MRTFB: variants seen among roughly 807,000 people sequenced by gnomAD.
MRTFB encodes the protein myocardin-related transcription factor B.
A neutral mutation model predicts 104.2 loss-of-function variants in MRTFB; 29 were observed. That is an observed-to-expected ratio of 0.28 (90% confidence interval 0.21 to 0.38). MRTFB has a LOEUF of 0.38. Ranked by LOEUF, MRTFB falls within the 10% of genes least tolerant of loss-of-function variation. The probability of loss-of-function intolerance (pLI) is 1.00; values close to 1 mark genes in which losing one functional copy is unlikely to be tolerated. For synonymous variants in MRTFB, 535 were observed against 519.5 expected, an observed-to-expected ratio of 1.03 and a Z score of -0.41; for missense variants, 1,270 against 1,341.6, an observed-to-expected ratio of 0.95 and a Z score of 0.83.
intron 11 of MRTFB, among the ~76,000 whole-genome samples, 180 bp downstream of exon 11, chr16:14,245,840 C>A (rs549557476): frequency 2.0e-5 from 3 of 152,276 alleles, no homozygotes; most frequent in Non-Finnish European, 2.9e-5. Context: ...GTAAAACAAC[C>A]AATAACTGTC....
At chr16:14,004,157 C>T in the MRTFB span, among the ~76,000 whole-genome samples, 6 of 152,146 alleles carry the variant, frequency 3.9e-5, no homozygotes, top group Admixed American at 3.9e-4. Context: ...GTGGCAGCCC[C>T]GGACCTTGAT....
the MRTFB span, among the ~76,000 whole-genome samples, chr16:14,014,253 A>G: frequency 6.6e-6 from 1 of 152,208 alleles, no homozygotes; most frequent in African/African-American, 2.4e-5. Context: ...TGATAATATC[A>G]AGAGTCTCAG....
intron 2 of MRTFB, among the ~76,000 whole-genome samples, chr16:14,134,619 C>T (rs1441569660): frequency 6.6e-6 from 1 of 152,258 alleles, no homozygotes; most frequent in South Asian, 2.1e-4. Context: ...GTGCCCAGCA[C>T]AATGCCTAAT....
intron 3 of MRTFB, among the ~76,000 whole-genome samples, chr16:14,208,034 G>A (rs1479754519): frequency 6.6e-6 from 1 of 152,190 alleles, no homozygotes; most frequent in East Asian, 1.9e-4. Context: ...TGGAGAATTG[G>A]TTGGTATGAG....
At chr16:14,136,752 GT>G (rs1011676750) in intron 2 of MRTFB, among the ~76,000 whole-genome samples, 66 of 147,464 alleles carry the variant, frequency 4.5e-4, no homozygotes, top group East Asian at 1.1e-3. Context: ...TGCCTCTTGG[GT>G]TTTTTTTTTC....
At chr16:14,211,701 G>A (rs1407887996) in intron 4 of MRTFB, among the ~76,000 whole-genome samples, 1 of 152,202 alleles carries the variant, frequency 6.6e-6, no homozygotes, top group African/African-American at 2.4e-5. Context: ...ATATTAAGGA[G>A]TCACTGTGTC....
In MRTFB at chr16:14,266,304, C is replaced by G. The variant is rs2043945482; in HGVS notation, c.*4860C>G. The G allele has an allele frequency of 6.6e-6, 1 of 151,714 alleles. No individual in the cohort carries two copies. The highest frequency in any genetic ancestry group is 1.5e-5 in the Non-Finnish European group (1 of 67,938). 9.4% of individuals were successfully genotyped at this position (151,714 alleles called of 1,614,324 possible). A position where few individuals can be genotyped will look rare whatever the true frequency, so the allele number is the denominator to read the frequency against. On this transcript the variant is annotated 3_prime_UTR_variant, in exon 17 of 17. Transcript: ENST00000571589. ...TCAGTAGTAATACAAAGTTTTTTTTCTATGTAGAAATTAGTTTTCTTTTCT... is the reference window on the plus strand; with the variant it reads ...TCAGTAGTAATACAAAGTTTTTTTTGTATGTAGAAATTAGTTTTCTTTTCT...
upstream of MRTFB, among the ~76,000 whole-genome samples, chr16:14,071,066 G>T (rs2033652225): frequency 6.6e-6 from 1 of 152,218 alleles, no homozygotes; most frequent in African/African-American, 2.4e-5. Context: ...CCGGACATGC[G>T]CATGCGCACG....
chr16:14,261,005 C>T lies in MRTFB; in HGVS notation c.2861C>T (p.Ser954Phe). Residue 954 changes from serine (S) to phenylalanine (F), a missense_variant, in exon 17 of 17, where the codon TCC becomes TTC. Transcript: ENST00000571589. Reference sequence around the variant, plus strand: ...ACAATGCCAGTGAATACAGTGGTGTCCCGGCCACCACCCCAAGTCCAAATG... The same window carrying T: ...ACAATGCCAGTGAATACAGTGGTGTTCCGGCCACCACCCCAAGTCCAAATG... Reference protein sequence around the residue: ...ITTMPVNTVVSRPPPQVQMAP... With the variant: ...ITTMPVNTVVFRPPPQVQMAP... 1 of 1,614,166 alleles carries T rather than the reference C, an allele frequency of 6.2e-7. No individual in the cohort carries two copies. The highest frequency in any genetic ancestry group is 8.5e-7 in the Non-Finnish European group (1 of 1,180,048).
chr16:14,103,097 A>G (rs1202177513), intron 2 of MRTFB, among the ~76,000 whole-genome samples: 16 of 152,110 alleles, frequency 1.1e-4, no homozygotes, highest in Non-Finnish European at 1.5e-5. Flanking sequence ...ATCCTTGGCC[A>G]GTTGTGTTAA....
intron 4 of MRTFB, 99 bp from the exon 5 acceptor site, chr16:14,212,255 G>C (rs929681333): frequency 2.6e-5 from 29 of 1,125,208 alleles, no homozygotes; most frequent in Non-Finnish European, 3.7e-5. Flanking sequence ...AACTGTAGTT[G>C]TGATCTGTTA....
At chr16:14,187,672 T>A (rs1461952784) in intron 3 of MRTFB, among the ~76,000 whole-genome samples, 2 of 152,250 alleles carry the variant, frequency 1.3e-5, no homozygotes, top group Admixed American at 6.5e-5. Context: ...CTGATTGATT[T>A]AAGGAAATAG....
intron 9 of MRTFB, among the ~76,000 whole-genome samples, chr16:14,237,757 A>G (rs1002133812): frequency 3.9e-5 from 6 of 152,164 alleles, no homozygotes; most frequent in Non-Finnish European, 5.9e-5. Flanking sequence ...CGGTGCAGGC[A>G]GGCACTCAGC....
At chr16:14,006,217 C>T in the MRTFB span, among the ~76,000 whole-genome samples, 5 of 152,158 alleles carry the variant, frequency 3.3e-5, no homozygotes, top group African/African-American at 1.2e-4. Context: ...GTGGCGCATG[C>T]CTATAATCCC....
At chr16:14,169,136 T>C (rs1171060103) in intron 3 of MRTFB, among the ~76,000 whole-genome samples, 2 of 152,220 alleles carry the variant, frequency 1.3e-5, no homozygotes, top group African/African-American at 4.8e-5. Flanking sequence ...TTAACATGCT[T>C]TGTTTTATCT....
the MRTFB span, among the ~76,000 whole-genome samples, chr16:14,053,099 A>AT: frequency 4.1e-4 from 62 of 150,716 alleles, no homozygotes; most frequent in African/African-American, 1.4e-3. Context: ...GTATATATAC[A>AT]TTTTTTTTTA....
chr16:14,134,730 ATCTC>A (rs1480101006), intron 2 of MRTFB, among the ~76,000 whole-genome samples: 1 of 152,044 alleles, frequency 6.6e-6, no homozygotes, highest in African/African-American at 2.4e-5. Flanking sequence ...ACTCCCCAAC[ATCTC>A]TCTCTCCCAA....
At chr16:14,243,232 A>G (rs1396864739) in intron 10 of MRTFB, among the ~76,000 whole-genome samples, 1 of 152,238 alleles carries the variant, frequency 6.6e-6, no homozygotes, top group Non-Finnish European at 1.5e-5. Context: ...TTCATCCCAA[A>G]GATTTCAATT....
the MRTFB span, among the ~76,000 whole-genome samples, chr16:14,007,515 A>G: frequency 6.6e-6 from 1 of 152,344 alleles, no homozygotes; most frequent in Admixed American, 6.5e-5. Flanking sequence ...GCTATTATGA[A>G]TAATACGGCT....
Sources: gnomAD v4.1 joint callset for allele counts (sites outside exome capture counted in the v4.1 genomes callset) on GRCh38, gnomAD v4.1.1 for gene constraint, MANE v1.5 for transcripts, NCBI Gene and HGNC (gene_info 2026-07-23, HGNC 2026-07-21) for gene names.